The following WDTC1 variants were observed in gnomAD, a reference collection of about 807,000 sequenced individuals.
WDTC1 encodes WD and tetratricopeptide repeats protein 1.
Under a neutral mutation model 76.0 loss-of-function variants are expected in WDTC1, and 12 were observed. The ratio of observed to expected loss-of-function variants is 0.16; its 90% CI spans 0.10 to 0.26. The LOEUF (loss-of-function observed/expected upper bound fraction) is 0.26, where lower values mean the gene tolerates loss of function less well. Ranked by LOEUF, WDTC1 falls within the 10% of genes least tolerant of loss-of-function variation. The pLI, the probability that WDTC1 is intolerant of heterozygous loss-of-function variation, is 1.00. For synonymous variants in WDTC1, 326 were observed against 350.8 expected, an observed-to-expected ratio of 0.93 and a Z score of 0.79; for missense variants, 511 against 908.8, an observed-to-expected ratio of 0.56 and a Z score of 5.63.
chr1:27,286,570 C>G (rs965061270), intron 5 of WDTC1, among the ~76,000 whole-genome samples: 7 of 148,924 alleles, frequency 4.7e-5, no homozygotes, highest in Non-Finnish European at 1.0e-4. Flanking sequence ...CCTGGGTTCA[C>G]ACCATCCTCC....
At chr1:27,263,022 C>T in intron 2 of WDTC1, 130 bp from the exon 3 acceptor site, 1 of 833,090 alleles carries the variant, frequency 1.2e-6, no homozygotes, top group Non-Finnish European at 1.9e-6. Flanking sequence ...ATACAAAGTC[C>T]TGTAGGCCAG....
chr1:27,287,883 T>C, intron 6 of WDTC1, 22 bp downstream of exon 6: 1 of 1,606,352 alleles, frequency 6.2e-7, no homozygotes, highest in Non-Finnish European at 8.5e-7. Flanking sequence ...GGGCATCTAG[T>C]GGAGCCTGTC....
rs1304057627 is a variant in WDTC1 at position 27,292,757 on chromosome 1, CT to C, written c.662+382del. ...TTTTATTTATTTATTTATTGTTTTA[CT>C]TTTTTTTTTTTTTTTTTTTTTGAGA... On this transcript the variant is annotated intron_variant, in intron 7 of 15. Coordinates refer to ENST00000319394, the MANE Select transcript of WDTC1 (RefSeq NM_001276252.2). Among the ~76,000 whole-genome samples the C allele has an allele frequency of 1.3e-3, 145 of 113,456 alleles. No homozygotes were observed. The East Asian group carries it at 0.014, about 11-fold the overall frequency. The allele number at this position is 113,456 out of a possible 152,430, so 74.4% of individuals were successfully genotyped here.
intron 3 of WDTC1, among the ~76,000 whole-genome samples, chr1:27,264,627 TCTTTG>T (rs933915248): frequency 4.7e-5 from 7 of 149,644 alleles, no homozygotes; most frequent in African/African-American, 1.8e-4. Context: ...GTTTTGTGGG[TCTTTG>T]TTTTGTTTTG....
Position 27,235,147 on chromosome 1 carries a change from G to A in WDTC1, c.-100+196G>A, listed in dbSNP as rs529722190. 4.5e-4 allele frequency among the ~76,000 whole-genome samples: 69 copies of A among 152,180 alleles called. No individual in the cohort carries two copies. In the East Asian group the frequency reaches 0.011, roughly 25 times the overall value. ...CGGGGCGGAGGGCAGAGTGGTCCGGGGGCGGGGTGGGGGCGGAGGGTTTGG... is the reference window on the plus strand; with the variant it reads ...CGGGGCGGAGGGCAGAGTGGTCCGGAGGCGGGGTGGGGGCGGAGGGTTTGG... On this transcript the variant is annotated intron_variant, in intron 1 of 15. Coordinates refer to ENST00000319394, the MANE Select transcript of WDTC1 (RefSeq NM_001276252.2).
intron 6 of WDTC1, among the ~76,000 whole-genome samples, chr1:27,289,185 G>A (rs561489470): frequency 2.0e-4 from 30 of 149,738 alleles, no homozygotes; most frequent in African/African-American, 5.4e-4. Context: ...CCTCCCGGAC[G>A]GGGCGGCTGG....
rs906937147 is a variant in WDTC1 at position 27,234,867 on chromosome 1, C to G, written c.-184C>G. The G allele has an allele frequency of 4.5e-5, 18 of 396,432 alleles. No homozygotes were observed. The highest frequency in any genetic ancestry group is 7.6e-5 in the Non-Finnish European group (17 of 224,802). 24.6% of individuals were successfully genotyped at this position (396,432 alleles called of 1,614,324 possible). On this transcript the variant is annotated 5_prime_UTR_variant, in exon 1 of 16. Coordinates refer to ENST00000319394, the MANE Select transcript of WDTC1 (RefSeq NM_001276252.2). ...CCCCCTCCCCGGGATCCGCGCCCCCCTTCCCGGGAGAGGGGCCGCCCCCCC... is the reference window on the plus strand; with the variant it reads ...CCCCCTCCCCGGGATCCGCGCCCCCGTTCCCGGGAGAGGGGCCGCCCCCCC...
intron 1 of WDTC1, among the ~76,000 whole-genome samples, chr1:27,238,986 C>T (rs2011552198): frequency 7.1e-6 from 1 of 141,422 alleles, no homozygotes; most frequent in South Asian, 2.3e-4. Flanking sequence ...AGGCATGAGC[C>T]ACCGCTCCTG....
At chr1:27,272,015 G>A (rs2012882880) in intron 3 of WDTC1, among the ~76,000 whole-genome samples, 1 of 150,250 alleles carries the variant, frequency 6.7e-6, no homozygotes, top group African/African-American at 2.4e-5. Context: ...GGAGGCCGAG[G>A]CGGGCGGATC....
At chr1:27,239,483 C>T (rs2011566815) in intron 1 of WDTC1, among the ~76,000 whole-genome samples, 1 of 136,140 alleles carries the variant, frequency 7.3e-6, no homozygotes, top group Non-Finnish European at 1.5e-5. Context: ...GACTGCGCTA[C>T]TGAACTCCAG....
In WDTC1 at chr1:27,307,933, T is replaced by C. The variant is rs2013996623; in HGVS notation, c.*1550T>C. On this transcript the variant is annotated 3_prime_UTR_variant, in exon 16 of 16. Coordinates refer to ENST00000319394, the MANE Select transcript of WDTC1 (RefSeq NM_001276252.2). The surrounding 1 kb of genome is among the most constrained non-coding windows in gnomAD (Gnocchi z 4.1). ...CTGCTGGGACCTGCTCCCCTGTCTC[T>C]TCTCCGTGACCTTTCTCTAGCCAGG... 6.5e-6 allele frequency: 1 copy of C among 152,680 alleles called. No individual in the cohort carries two copies. The highest frequency in any genetic ancestry group is 2.4e-5 in the African/African-American group (1 of 41,400). 9.5% of individuals were successfully genotyped at this position (152,680 alleles called of 1,614,324 possible).
At chr1:27,286,381 A>G (rs2147967063) in intron 5 of WDTC1, among the ~76,000 whole-genome samples, 1 of 149,846 alleles carries the variant, frequency 6.7e-6, no homozygotes, top group East Asian at 2.0e-4. Flanking sequence ...CTATTGTCCA[A>G]CATTTGAGCT....
chr1:27,251,532 C>G (rs1168979337), intron 1 of WDTC1, among the ~76,000 whole-genome samples: 2 of 151,996 alleles, frequency 1.3e-5, no homozygotes, highest in Non-Finnish European at 2.9e-5. Flanking sequence ...TATAGTAGAC[C>G]TTTGGGCCGG....
At chr1:27,270,704 A>G (rs1262008911) in intron 3 of WDTC1, among the ~76,000 whole-genome samples, 1 of 152,196 alleles carries the variant, frequency 6.6e-6, no homozygotes. Context: ...AAAAAATTAA[A>G]AATTAAAATA....
intron 1 of WDTC1, among the ~76,000 whole-genome samples, chr1:27,259,323 CTTTTTTT>C (rs57081638): frequency 1.8e-4 from 19 of 106,336 alleles, no homozygotes; most frequent in South Asian, 3.1e-4. Context: ...CCATGCCCAA[CTTTTTTT>C]TTTTTTTTTT....
At chr1:27,284,955 C>T (rs1470344651) in intron 5 of WDTC1, among the ~76,000 whole-genome samples, 2 of 150,950 alleles carry the variant, frequency 1.3e-5, no homozygotes, top group Non-Finnish European at 2.9e-5. Flanking sequence ...TGTATGCCGT[C>T]TCTAGACAGG....
At chr1:27,296,862 C>T (rs548944340) in intron 10 of WDTC1, among the ~76,000 whole-genome samples, 186 bp from the exon 11 acceptor site, 1 of 139,868 alleles carries the variant, frequency 7.1e-6, no homozygotes, top group East Asian at 2.2e-4. Context: ...TGTCCCTCGC[C>T]AGCCAGCAGA....
intron 3 of WDTC1, among the ~76,000 whole-genome samples, chr1:27,272,874 A>G (rs539173402): frequency 6.9e-6 from 1 of 145,428 alleles, no homozygotes; most frequent in South Asian, 2.1e-4. Flanking sequence ...GCACCATTAC[A>G]CCCCAGCCTG....
At chr1:27,304,717 G>A in intron 14 of WDTC1, 1 of 288,268 alleles carries the variant, frequency 3.5e-6, no homozygotes, top group Non-Finnish European at 6.5e-6. Flanking sequence ...GTATTTTGGA[G>A]ACCCGAGAGA....
Sources: gnomAD v4.1 joint callset for allele counts (sites outside exome capture counted in the v4.1 genomes callset) on GRCh38, gnomAD v4.1.1 for gene constraint, Gnocchi (gnomAD v3.1) non-coding constraint, MANE v1.5 for transcripts, NCBI Gene and HGNC (gene_info 2026-07-23, HGNC 2026-07-21) for gene names.